The following GUCA1C variants were observed in gnomAD, a reference collection of about 807,000 sequenced individuals.
GUCA1C encodes the protein guanylyl cyclase-activating protein 3.
GUCA1C carries 15 observed loss-of-function variants against 16.2 expected under a neutral mutation model. That is an observed-to-expected ratio of 0.93 (90% confidence interval 0.62 to 1.43). The LOEUF (loss-of-function observed/expected upper bound fraction) is 1.43. Ranked by LOEUF, GUCA1C falls within the 40% of genes most tolerant of loss-of-function variation. The pLI is 0.00. For missense variants in GUCA1C, 275 were observed against 244.8 expected (o/e 1.12, Z -0.82); for synonymous variants, 78 against 85.4 (o/e 0.91, Z 0.48).
At chr3:108,931,819 AG>A (rs2107298821) in intron 1 of GUCA1C, among the ~76,000 whole-genome samples, 1 of 151,252 alleles carries the variant, frequency 6.6e-6, no homozygotes, top group South Asian at 2.1e-4. Context: ...GAAAGCCCAA[AG>A]GTTTTCTTTG....
intron 1 of GUCA1C, among the ~76,000 whole-genome samples, chr3:108,941,062 T>TA (rs1946781366): frequency 5.4e-5 from 7 of 129,170 alleles, no homozygotes; most frequent in Admixed American, 1.6e-4. Context: ...AGGGGCTCAT[T>TA]TAAAAAAAAA....
intron 3 of GUCA1C, among the ~76,000 whole-genome samples, chr3:108,915,555 C>G (rs934343958): frequency 5.3e-5 from 8 of 152,030 alleles, no homozygotes; most frequent in Non-Finnish European, 1.2e-4. Flanking sequence ...AACAGGAACC[C>G]AGATTACAGA....
chr3:108,926,749 G>A (rs1946627025), intron 1 of GUCA1C, among the ~76,000 whole-genome samples: 1 of 151,352 alleles, frequency 6.6e-6, no homozygotes, highest in African/African-American at 2.4e-5. Context: ...CAAAGTGCTG[G>A]GATTACAGGC....
intron 3 of GUCA1C, among the ~76,000 whole-genome samples, chr3:108,911,664 A>T (rs1946455383): frequency 6.6e-6 from 1 of 152,204 alleles, no homozygotes; most frequent in African/African-American, 2.4e-5. Context: ...ATCTCCTGGT[A>T]ATTCTCGTTT....
chr3:108,922,160 A>AACACACACAC (rs56788372), intron 1 of GUCA1C, among the ~76,000 whole-genome samples: 1 of 52,076 alleles, frequency 1.9e-5, no homozygotes, highest in African/African-American at 7.2e-5. Flanking sequence ...CACATACACA[A>AACACACACAC]ACACACACAC....
At chr3:108,930,911 A>T (rs1946660378) in intron 1 of GUCA1C, among the ~76,000 whole-genome samples, 2 of 152,354 alleles carry the variant, frequency 1.3e-5, no homozygotes, top group African/African-American at 4.8e-5. Flanking sequence ...ACGAGGTATC[A>T]TATCTCCAGA....
At chr3:108,910,022 ATGG>A (rs1946433406) in intron 3 of GUCA1C, among the ~76,000 whole-genome samples, 1 of 152,214 alleles carries the variant, frequency 6.6e-6, no homozygotes, top group Non-Finnish European at 1.5e-5. Flanking sequence ...TGCTATGAAT[ATGG>A]TAGGTGCTCA....
chr3:108,918,073 G>T (rs1035618902), intron 2 of GUCA1C, among the ~76,000 whole-genome samples: 3 of 152,098 alleles, frequency 2.0e-5, no homozygotes, highest in Non-Finnish European at 4.4e-5. Flanking sequence ...CTTAAAATCC[G>T]CACAATTGCC....
rs200833896 is a variant in GUCA1C at position 108,920,494 on chromosome 3, A to G, written c.296T>C (p.Leu99Pro). Residue 99 changes from leucine to proline, a missense_variant, in exon 2 of 4, where the codon CTG becomes CCG. Coordinates refer to ENST00000261047, the MANE Select transcript of GUCA1C (RefSeq NM_005459.4). ...AGAACCATTTCCATCAGCATCATACAGCTTAAAATACCATTTTAATTTTTG... is the reference window on the plus strand; with the variant it reads ...AGAACCATTTCCATCAGCATCATACGGCTTAAAATACCATTTTAATTTTTG... ...MEQKLKWYFK[L>P]YDADGNGSID... 3 of 1,601,986 alleles carry G rather than the reference A, an allele frequency of 1.9e-6. No individual in the cohort carries two copies. Among genetic ancestry groups the G allele is most frequent in the African/African-American group, 2.7e-5 (2 of 74,836 alleles).
At chr3:108,953,488 GAAAAA>G in intron 1 of GUCA1C, 66 bp downstream of exon 1, 5 of 874,052 alleles carry the variant, frequency 5.7e-6, no homozygotes, top group Non-Finnish European at 5.3e-6. Flanking sequence ...TATTTTACAG[GAAAAA>G]AAAAAAAAAG....
chr3:108,941,808 G>A lies in GUCA1C; in HGVS notation c.204+11751C>T, dbSNP rs528540447. Among the ~76,000 whole-genome samples the A allele has an allele frequency of 5.3e-5, 8 of 152,334 alleles. No individual in the cohort carries two copies. The East Asian group carries it at 1.3e-3, about 26-fold the overall frequency. On this transcript the variant is annotated intron_variant, in intron 1 of 3. Transcript: ENST00000261047. Reference sequence around the variant, plus strand: ...GACTTTCTGCTCTGAGACTCTCCAAGCATCTCAGTGCTCTGAGTGTCTCAT... The same window carrying A: ...GACTTTCTGCTCTGAGACTCTCCAAACATCTCAGTGCTCTGAGTGTCTCAT...
Position 108,920,448 on chromosome 3 carries a change from C to T in GUCA1C, c.342G>A (p.Leu114=). The T allele has an allele frequency of 6.2e-7, 1 of 1,607,812 alleles. No individual in the cohort carries two copies. Among genetic ancestry groups the T allele is most frequent in the East Asian group, 2.2e-5 (1 of 44,808 alleles). Residue 114 remains leucine (L), a synonymous_variant, in exon 2 of 4, where the codon CTG becomes CTA. Transcript: ENST00000261047. The stretch of plus-strand genomic sequence containing the variant: ...CTACTTCACTTACCATGAACATGTC[C>T]AGTAGTTCATTTTTGTCAATAGAAC... ...GNGSIDKNEL[L]DMFMAVQALN...
intron 1 of GUCA1C, among the ~76,000 whole-genome samples, chr3:108,932,323 C>CAAAAAAA (rs71106610): frequency 9.8e-6 from 1 of 102,058 alleles, no homozygotes; most frequent in Non-Finnish European, 1.9e-5. Flanking sequence ...GACCTCCCAC[C>CAAAAAAA]AAAAAAAAAA....
chr3:108,921,813 G>A (rs1176406831), intron 1 of GUCA1C, among the ~76,000 whole-genome samples: 1 of 151,920 alleles, frequency 6.6e-6, no homozygotes, highest in Non-Finnish European at 1.5e-5. Flanking sequence ...GGTTTTTGGG[G>A]ATCAGGGGGC....
intron 1 of GUCA1C, among the ~76,000 whole-genome samples, chr3:108,934,263 G>A (rs1946698974): frequency 6.6e-6 from 1 of 152,188 alleles, no homozygotes. Context: ...GTTGATGGGT[G>A]CAGACAACCA....
intron 1 of GUCA1C, among the ~76,000 whole-genome samples, chr3:108,943,506 G>C (rs1946811489): frequency 1.3e-5 from 2 of 152,140 alleles, no homozygotes; most frequent in South Asian, 4.1e-4. Flanking sequence ...ACAGCCCTCT[G>C]CATGAATCAG....
chr3:108,927,039 G>A (rs989760616), intron 1 of GUCA1C, among the ~76,000 whole-genome samples: 1 of 152,112 alleles, frequency 6.6e-6, no homozygotes, highest in Non-Finnish European at 1.5e-5. Context: ...CTTTGTTTAA[G>A]GAGGCCAAAA....
At chr3:108,924,137 T>G (rs2715722) in intron 1 of GUCA1C, among the ~76,000 whole-genome samples, 37,840 of 152,058 alleles carry the variant, frequency 0.25, 5,202 homozygotes, top group Middle Eastern at 0.36. Flanking sequence ...TGGATTCCCT[T>G]TATTTCTTTC....
chr3:108,907,905 A>C lies in GUCA1C; in HGVS notation c.*117T>G, dbSNP rs1197822012. 3 of 703,434 alleles carry C rather than the reference A, an allele frequency of 4.3e-6. No individual in the cohort carries two copies. Among genetic ancestry groups the C allele is most frequent in the Non-Finnish European group, 7.2e-6 (3 of 419,438 alleles). The allele number at this position is 703,434 out of a possible 1,614,324, so 43.6% of individuals were successfully genotyped here. ...GGATTAAAATAAGTGCTATATTCAC[A>C]AGCCTATATGAATTATAACAAAGAC... On this transcript the variant is annotated 3_prime_UTR_variant, in exon 4 of 4. Transcript: ENST00000261047.
Sources: allele counts gnomAD v4.1 joint callset (sites outside exome capture counted in the v4.1 genomes callset), GRCh38; gene constraint gnomAD v4.1.1; transcripts MANE v1.5; gene names NCBI Gene and HGNC (gene_info 2026-07-23, HGNC 2026-07-21).